Variants in ATRN observed in about 807,000 individuals in gnomAD.
The protein encoded by ATRN is attractin-2.
In ATRN, 54 loss-of-function variants were observed where a neutral mutation model predicts 178.7. The observed-to-expected ratio is 0.30, with a 90% CI of 0.24 to 0.38. ATRN has a LOEUF of 0.38. Ranked by LOEUF, ATRN falls within the 10% of genes least tolerant of loss-of-function variation. The pLI is 1.00. For missense variants in ATRN, 1,443 were observed against 1,815.1 expected, an observed-to-expected ratio of 0.79 and a Z score of 3.73; for synonymous variants, 636 against 663.0, an observed-to-expected ratio of 0.96 and a Z score of 0.63.
rs981351527 is a variant in ATRN, at chr20:3,650,047, G to T, written c.*3200G>T. Reference sequence around the variant, plus strand: ...TCCCCTGAGCTAACCCGGAGGAAAGGCAGTCCTGGACAGAAGACTGTCAGC... The same window carrying T: ...TCCCCTGAGCTAACCCGGAGGAAAGTCAGTCCTGGACAGAAGACTGTCAGC... On this transcript the variant is annotated 3_prime_UTR_variant, in exon 29 of 29. Transcript: ENST00000262919. 1.3e-5 allele frequency: 2 copies of T among 152,274 alleles called. No homozygotes were observed. Among genetic ancestry groups the T allele is most frequent in the African/African-American group, 4.8e-5 (2 of 41,418 alleles). 9.4% of individuals were successfully genotyped at this position (152,274 alleles called of 1,614,324 possible). A position where few individuals can be genotyped will look rare whatever the true frequency, so the allele number is the denominator to read the frequency against.
chr20:3,473,615 G>A (rs2084465673), intron 1 of ATRN, among the ~76,000 whole-genome samples: 1 of 152,206 alleles, frequency 6.6e-6, no homozygotes, highest in African/African-American at 2.4e-5. Flanking sequence ...GGCCTTGAAG[G>A]TGAGGCCAGG....
intron 1 of ATRN, among the ~76,000 whole-genome samples, chr20:3,493,066 A>G (rs2084828115): frequency 1.4e-5 from 2 of 146,490 alleles, no homozygotes; most frequent in Non-Finnish European, 3.0e-5. Flanking sequence ...ATTATAGATT[A>G]TATATTATAT....
intron 1 of ATRN, among the ~76,000 whole-genome samples, chr20:3,529,429 C>G (rs138756422): frequency 6.6e-6 from 1 of 152,196 alleles, no homozygotes; most frequent in African/African-American, 2.4e-5. Flanking sequence ...CCTATAATTA[C>G]GTAATCCAAG....
chr20:3,610,750 T>C (rs1242777746), intron 24 of ATRN, among the ~76,000 whole-genome samples: 1 of 135,746 alleles, frequency 7.4e-6, no homozygotes, highest in African/African-American at 2.8e-5. Context: ...TTCTTTTTTT[T>C]TTTTTTTTTT....
At chr20:3,620,654 G>A (rs1215575485) in intron 24 of ATRN, among the ~76,000 whole-genome samples, 3 of 152,242 alleles carry the variant, frequency 2.0e-5, no homozygotes, top group African/African-American at 7.2e-5. Flanking sequence ...TAGGGCCTGA[G>A]ATTCTGACTT....
chr20:3,638,986 C>A lies in ATRN; in HGVS notation c.4050+51C>A, dbSNP rs763643879. 1 of 1,452,130 alleles carries A rather than the reference C, an allele frequency of 6.9e-7. No homozygotes were observed. Among genetic ancestry groups the A allele is most frequent in the Non-Finnish European group, 9.5e-7 (1 of 1,051,022 alleles). The allele number at this position is 1,452,130 out of a possible 1,614,324, so 90.0% of individuals were successfully genotyped here. ...ATAACTTGACTTTTTAAAACTTAGG[C>A]TCCTAAGTCTGGGAAACCAGAGAGA... On this transcript the variant is annotated intron_variant, in intron 27 of 28. Transcript: ENST00000262919. The surrounding 1 kb of genome is among the most constrained non-coding windows in gnomAD (Gnocchi z 4.5).
intron 1 of ATRN, among the ~76,000 whole-genome samples, chr20:3,482,080 TA>T (rs1333387119): frequency 6.6e-6 from 1 of 151,884 alleles, no homozygotes; most frequent in Non-Finnish European, 1.5e-5. Context: ...AATAATCTTT[TA>T]AAAAATGTAT....
chr20:3,512,105 A>AT (rs1379656862), intron 1 of ATRN, among the ~76,000 whole-genome samples: 1,198 of 113,352 alleles, frequency 0.011, 21 homozygotes, highest in African/African-American at 0.025. Flanking sequence ...ATATATATAT[A>AT]TATTTTTTTT....
At chr20:3,636,958 TTGCC>T (rs1477631204) in intron 26 of ATRN, among the ~76,000 whole-genome samples, 2 of 152,228 alleles carry the variant, frequency 1.3e-5, no homozygotes, top group Admixed American at 1.3e-4. Context: ...TAGTAGAGAT[TTGCC>T]TGCATAAAAA....
chr20:3,639,127 C>A (rs1009286073), intron 27 of ATRN, among the ~76,000 whole-genome samples, 192 bp downstream of exon 27: 2 of 152,150 alleles, frequency 1.3e-5, no homozygotes, highest in African/African-American at 2.4e-5. Context: ...TGTTTCATGT[C>A]GCTGAGCAGT....
chr20:3,533,987 A>T (rs1398315028), intron 1 of ATRN, among the ~76,000 whole-genome samples: 1 of 152,138 alleles, frequency 6.6e-6, no homozygotes, highest in Non-Finnish European at 1.5e-5. Flanking sequence ...ACAGATTTCT[A>T]ATCAGTCAGT....
chr20:3,489,093 T>G (rs1275747504), intron 1 of ATRN, among the ~76,000 whole-genome samples: 4 of 152,174 alleles, frequency 2.6e-5, no homozygotes, highest in Non-Finnish European at 5.9e-5. Context: ...CCCAAGTAGC[T>G]GGGATTACGG....
intron 1 of ATRN, among the ~76,000 whole-genome samples, chr20:3,477,274 A>G (rs1355417302): frequency 1.9e-4 from 8 of 42,564 alleles, no homozygotes; most frequent in Middle Eastern, 0.02. Flanking sequence ...GGCCTGGAGC[A>G]TAGTTCACAA....
chr20:3,599,799 A>G (rs2086584690), intron 22 of ATRN, among the ~76,000 whole-genome samples: 1 of 152,218 alleles, frequency 6.6e-6, no homozygotes, highest in Admixed American at 6.5e-5. Flanking sequence ...CTGCCAGCAA[A>G]TACTAAATAC....
chr20:3,626,493 C>A (rs1208869581), intron 25 of ATRN, among the ~76,000 whole-genome samples: 1 of 152,158 alleles, frequency 6.6e-6, no homozygotes, highest in Non-Finnish European at 1.5e-5. Context: ...TTGAACACTT[C>A]TAGAGTATTG....
intron 1 of ATRN, among the ~76,000 whole-genome samples, chr20:3,497,811 G>T (rs964716778): frequency 5.9e-5 from 9 of 152,150 alleles, no homozygotes; most frequent in Non-Finnish European, 1.2e-4. Context: ...ATCAGACGTA[G>T]ACTTGGTCTT....
chr20:3,602,963 C>CAAAAAA lies in ATRN; in HGVS notation c.3644-1115_3644-1110dup, dbSNP rs3842439. On this transcript the variant is annotated intron_variant, in intron 23 of 28. Transcript: ENST00000262919. ...GGGCAACAAAAGCGAAATTCCATCT[C>CAAAAAA]AAAAAAAAAAAAAAAAAAAAAAAAA... 2.9e-3 allele frequency among the ~76,000 whole-genome samples: 120 copies of CAAAAAA among 40,842 alleles called. 1 individual carries two copies. The highest frequency in any genetic ancestry group is 3.9e-3 in the African/African-American group (35 of 9,082). The allele number at this position is 40,842 out of a possible 152,430, so 26.8% of individuals were successfully genotyped here.
chr20:3,538,125 T>C (rs892117593), intron 2 of ATRN, among the ~76,000 whole-genome samples: 3 of 126,272 alleles, frequency 2.4e-5, no homozygotes, highest in Non-Finnish European at 3.2e-5. Flanking sequence ...ACCTATTTAC[T>C]CTCCATCTTG....
At chr20:3,591,646 A>G (rs937073819) in intron 19 of ATRN, among the ~76,000 whole-genome samples, 4 of 152,146 alleles carry the variant, frequency 2.6e-5, no homozygotes, top group African/African-American at 9.7e-5. Flanking sequence ...CAGCTCAGAC[A>G]TGGGAGTCTT....
Sources: allele counts gnomAD v4.1 joint callset (sites outside exome capture counted in the v4.1 genomes callset), GRCh38; gene constraint gnomAD v4.1.1; non-coding constraint Gnocchi (gnomAD v3.1); transcripts MANE v1.5; gene names NCBI Gene and HGNC (gene_info 2026-07-23, HGNC 2026-07-21).